DYM: variants seen among roughly 807,000 people sequenced by gnomAD.
The protein encoded by DYM is dyggve-Melchior-Clausen syndrome protein.
In DYM, 78 loss-of-function variants were observed where a neutral mutation model predicts 93.1. The ratio of observed to expected loss-of-function variants is 0.84; its 90% confidence interval spans 0.70 to 1.01. The LOEUF is 1.01. DYM is among the 50% of genes least tolerant of loss of function. The pLI is 0.00. For synonymous variants in DYM, 321 were observed against 319.7 expected, an observed-to-expected ratio of 1.00 and a Z score of -0.04; for missense variants, 789 against 845.0, an observed-to-expected ratio of 0.93 and a Z score of 0.82.
At chr18:49,219,942 T>C (rs1278276641) in intron 13 of DYM, among the ~76,000 whole-genome samples, 1 of 147,460 alleles carries the variant, frequency 6.8e-6, no homozygotes, top group East Asian at 2.1e-4. Flanking sequence ...GGTATTCAAT[T>C]AGAAAAAGAG....
At chr18:49,456,302 T>A (rs2082979898) in intron 1 of DYM, among the ~76,000 whole-genome samples, 1 of 152,202 alleles carries the variant, frequency 6.6e-6, no homozygotes, top group Non-Finnish European at 1.5e-5. Context: ...AAACTAGTCA[T>A]ATGTTTAAGC....
At chr18:49,391,793 AAAGTT>A in intron 2 of DYM, 148 bp from the exon 3 acceptor site, 2 of 591,394 alleles carry the variant, frequency 3.4e-6, no homozygotes, top group South Asian at 4.7e-5. Flanking sequence ...AGCAAAAAAA[AAAGTT>A]AGGCTTCAAT....
At chr18:49,314,825 C>G (rs770309256) in intron 8 of DYM, among the ~76,000 whole-genome samples, 3 of 152,156 alleles carry the variant, frequency 2.0e-5, no homozygotes, top group Non-Finnish European at 4.4e-5. Context: ...GGAAGTTATA[C>G]CAAGAATCCC....
chr18:49,321,675 T>C (rs966249215), intron 8 of DYM, among the ~76,000 whole-genome samples: 1 of 152,152 alleles, frequency 6.6e-6, no homozygotes, highest in East Asian at 1.9e-4. Flanking sequence ...AATGTATCCC[T>C]GCAAGGAACC....
chr18:49,295,183 T>C (rs1373787227), intron 8 of DYM, among the ~76,000 whole-genome samples: 1 of 152,148 alleles, frequency 6.6e-6, no homozygotes, highest in Non-Finnish European at 1.5e-5. Flanking sequence ...CCTACATAAG[T>C]ATAGTAAAAT....
chr18:49,229,749 A>C (rs1281696264), intron 13 of DYM, among the ~76,000 whole-genome samples: 1 of 152,154 alleles, frequency 6.6e-6, no homozygotes, highest in African/African-American at 2.4e-5. Flanking sequence ...TATGCCCAAG[A>C]AACTCTACTC....
At chr18:49,234,136 C>T (rs2093791149) in intron 13 of DYM, among the ~76,000 whole-genome samples, 1 of 149,666 alleles carries the variant, frequency 6.7e-6, no homozygotes, top group South Asian at 2.1e-4. Flanking sequence ...CTCAAAACAA[C>T]AACAACAACA....
Position 49,391,578 on chromosome 18 carries a change from A to T in DYM, c.193+15T>A, listed in dbSNP as rs769151012. The T allele has an allele frequency of 2.5e-6, 4 of 1,612,866 alleles. No homozygotes were observed. In the Admixed American group the frequency reaches 6.7e-5, roughly 27 times the overall value. On this transcript the variant is annotated intron_variant, in intron 3 of 17. Transcript: ENST00000675505. ...AATTTGAAAACAACACCCCACACAC[A>T]TTTTTCCCACTTACCTAATGACCTG... is the stretch of plus-strand genomic sequence containing the variant.
chr18:49,279,592 G>A (rs1010310150), intron 10 of DYM, among the ~76,000 whole-genome samples: 2 of 152,126 alleles, frequency 1.3e-5, no homozygotes, highest in African/African-American at 2.4e-5. Context: ...GTCATCAAAC[G>A]CAGACAGCTG....
At position 49,073,588 on chromosome 18, in the gene DYM, G is replaced by T. The variant is rs148384762; in HGVS notation, c.2025+23814C>A. 2.0e-5 allele frequency among the ~76,000 whole-genome samples: 3 copies of T among 152,276 alleles called. No individual in the cohort carries two copies. In the East Asian group the frequency reaches 5.8e-4, roughly 29 times the overall value. ...TCTGAAACGAGTGAGCTTTCAAGAGGCTGGCAGCCTTGGCCTGGCAGTAAG... is the reference window on the plus strand; with the variant it reads ...TCTGAAACGAGTGAGCTTTCAAGAGTCTGGCAGCCTTGGCCTGGCAGTAAG... On this transcript the variant is annotated intron_variant, in intron 17 of 17. Coordinates refer to ENST00000675505, the MANE Select transcript of DYM (RefSeq NM_001353214.3).
chr18:49,451,098 T>C (rs189478713), intron 1 of DYM, among the ~76,000 whole-genome samples: 28 of 152,326 alleles, frequency 1.8e-4, no homozygotes, highest in Non-Finnish European at 3.7e-4. Context: ...ATATTGCTGA[T>C]CCTTGGTTTG....
At chr18:49,451,575 C>T (rs2082519290) in intron 1 of DYM, among the ~76,000 whole-genome samples, 1 of 152,206 alleles carries the variant, frequency 6.6e-6, no homozygotes, top group African/African-American at 2.4e-5. Flanking sequence ...CAAACCCATG[C>T]TGGGCTCAGC....
At chr18:49,044,566 A>G (rs1469779005) in intron 17 of DYM, among the ~76,000 whole-genome samples, 1 of 152,246 alleles carries the variant, frequency 6.6e-6, no homozygotes. Flanking sequence ...CCCAGAGTGC[A>G]ATGCTAGGGA....
intron 12 of DYM, 38 bp downstream of exon 12, chr18:49,258,342 G>A (rs775398508): frequency 5.1e-6 from 7 of 1,376,864 alleles, no homozygotes; most frequent in African/African-American, 2.9e-5. Context: ...TAATTGTACT[G>A]TATGCAAAAA....
At chr18:49,301,165 T>C (rs1438429933) in intron 8 of DYM, among the ~76,000 whole-genome samples, 2 of 152,206 alleles carry the variant, frequency 1.3e-5, no homozygotes, top group Non-Finnish European at 2.9e-5. Flanking sequence ...GTCTTTATTA[T>C]GGGGGTTTCC....
rs1052399038 is a variant in DYM at position 49,039,400 on chromosome 18, C to T, written c.*4655G>A. On this transcript the variant is annotated 3_prime_UTR_variant, in exon 18 of 18. Coordinates refer to ENST00000675505, the MANE Select transcript of DYM (RefSeq NM_001353214.3). ...TAGGTGTGGGTTGTTTTTATTTATC[C>T]CACTTGGAGTTTGTGGGAGGGATTC... is the stretch of plus-strand genomic sequence containing the variant. Among the ~76,000 whole-genome samples the T allele has an allele frequency of 1.3e-5, 2 of 151,878 alleles. No individual in the cohort carries two copies. The highest frequency in any genetic ancestry group is 4.8e-5 in the African/African-American group (2 of 41,316).
rs180774976 is a variant in DYM at position 49,399,639 on chromosome 18, C to T, written c.141-7994G>A. 2.6e-5 allele frequency among the ~76,000 whole-genome samples: 4 copies of T among 152,174 alleles called. No homozygotes were observed. In the East Asian group the frequency reaches 5.8e-4, roughly 22 times the overall value. On this transcript the variant is annotated intron_variant, in intron 2 of 17. Coordinates refer to ENST00000675505, the MANE Select transcript of DYM (RefSeq NM_001353214.3). ...GTAAGAAGTCCATTCTCCACCCCAA[C>T]ACCCAACAGCTCTCAATCATAAAAC... is the stretch of plus-strand genomic sequence containing the variant.
intron 8 of DYM, among the ~76,000 whole-genome samples, chr18:49,289,834 T>G (rs1263826353): frequency 7.0e-6 from 1 of 143,446 alleles, no homozygotes; most frequent in African/African-American, 2.6e-5. Flanking sequence ...TTTATATATT[T>G]TAAACGGACA....
At chr18:49,259,803 A>G (rs2145212452) in intron 11 of DYM, among the ~76,000 whole-genome samples, 1 of 152,330 alleles carries the variant, frequency 6.6e-6, no homozygotes, top group East Asian at 1.9e-4. Flanking sequence ...TGAAATAAGA[A>G]CAGCACAGTG....
Sources: allele counts gnomAD v4.1 joint callset (sites outside exome capture counted in the v4.1 genomes callset), GRCh38; gene constraint gnomAD v4.1.1; transcripts MANE v1.5; gene names NCBI Gene and HGNC (gene_info 2026-07-23, HGNC 2026-07-21).